Variants in MCF2L observed in about 807,000 individuals in gnomAD.
MCF2L encodes the protein guanine nucleotide exchange factor DBS.
Under a neutral mutation model 153.4 loss-of-function variants are expected in MCF2L, and 97 were observed. The ratio of observed to expected loss-of-function variants is 0.63; its 90% CI spans 0.54 to 0.75. MCF2L has a LOEUF of 0.75. MCF2L is among the 30% of genes least tolerant of loss of function. The pLI is 0.00. For missense variants in MCF2L, 1,347 were observed against 1,495.2 expected, an observed-to-expected ratio of 0.90 and a Z score of 1.64; for synonymous variants, 659 against 632.2, an observed-to-expected ratio of 1.04 and a Z score of -0.64.
chr13:112,959,963 C>T (rs1244831456), intron 2 of MCF2L, among the ~76,000 whole-genome samples: 3 of 152,214 alleles, frequency 2.0e-5, no homozygotes, highest in Non-Finnish European at 4.4e-5. Flanking sequence ...AGCAGCACCT[C>T]CTGCAGGTGT....
Position 113,070,303 on chromosome 13 carries a change from C to A in MCF2L, c.996+130C>A, listed in dbSNP as rs2032770159. 2 of 542,234 alleles carry A rather than the reference C, an allele frequency of 3.7e-6. No homozygotes were observed. Among genetic ancestry groups the A allele is most frequent in the Non-Finnish European group, 6.2e-6 (2 of 321,646 alleles). 33.6% of individuals were successfully genotyped at this position (542,234 alleles called of 1,614,324 possible). ...ACTTTGGCTTAATGCAGAAAAGTCT[C>A]CGCTTGCCAGGTGGAGCCTGTGAGA... On this transcript the variant is annotated intron_variant, in intron 9 of 29. Coordinates refer to ENST00000535094, the MANE Select transcript of MCF2L (RefSeq NM_001112732.3). This position sits in a 1 kb window ranked among gnomAD's most constrained non-coding sequence, Gnocchi z 5.6.
intron 1 of MCF2L, among the ~76,000 whole-genome samples, chr13:112,988,957 C>T (rs529210115): frequency 3.7e-5 from 5 of 135,122 alleles, no homozygotes; most frequent in South Asian, 2.4e-4. Flanking sequence ...GGAGCTATCA[C>T]GCCTGAGTCC....
exon 1 of MCF2L, chr13:112,894,404 C>G (rs996439912): frequency 6.6e-6 from 1 of 151,148 alleles, no homozygotes; most frequent in African/African-American, 2.4e-5. Flanking sequence ...GCTCGGCGGA[C>G]GCGGGAGGGC....
At chr13:113,062,089 G>T (rs1383080374) in intron 5 of MCF2L, among the ~76,000 whole-genome samples, 1 of 151,082 alleles carries the variant, frequency 6.6e-6, no homozygotes, top group South Asian at 2.1e-4. Flanking sequence ...AGAACCACCA[G>T]CTTCCAAGCC....
intron 1 of MCF2L, among the ~76,000 whole-genome samples, chr13:112,983,000 C>T (rs1028785413): frequency 6.6e-6 from 1 of 151,980 alleles, no homozygotes; most frequent in South Asian, 2.1e-4. Flanking sequence ...GCTCAGGAGG[C>T]GCTGGTTCCA....
At chr13:112,985,835 G>A (rs759960298) in intron 1 of MCF2L, among the ~76,000 whole-genome samples, 1 of 152,176 alleles carries the variant, frequency 6.6e-6, no homozygotes, top group Non-Finnish European at 1.5e-5. Context: ...ATGGCTGCAG[G>A]TGCAGGACAG....
intron 27 of MCF2L, chr13:113,095,430 G>A (rs1355850569): frequency 3.7e-6 from 4 of 1,085,234 alleles, no homozygotes; most frequent in Non-Finnish European, 4.5e-6. Flanking sequence ...CGGAGGCCAC[G>A]TGGCAGGAGG....
Position 113,096,649 on chromosome 13 carries a change from C to T in MCF2L, c.3288C>T (p.Ser1096=), listed in dbSNP as rs1183044103. The change falls in exon 29 of 30, where the codon AGC becomes AGT. Residue 1096 remains serine (S), a synonymous_variant. Transcript: ENST00000535094. ...CCGGCTCGGCCCAGTGCCTGAGCAGCTCAGGTAAGGCCCACGTGCCCCGAG... is the reference window on the plus strand; with the variant it reads ...CCGGCTCGGCCCAGTGCCTGAGCAGTTCAGGTAAGGCCCACGTGCCCCGAG... ...GPSGSAQCLS[S]SESSPGSAVL... The T allele has an allele frequency of 1.3e-6, 2 of 1,587,228 alleles. No homozygotes were observed. Among genetic ancestry groups the T allele is most frequent in the Admixed American group, 3.4e-5 (2 of 58,454 alleles).
At chr13:113,084,765 G>C in intron 18 of MCF2L, 127 bp from the exon 19 acceptor site, 1 of 747,184 alleles carries the variant, frequency 1.3e-6, no homozygotes, top group South Asian at 1.6e-5. Context: ...GCAATGCCTC[G>C]CAGGGCCGGG....
chr13:113,007,340 C>G (rs1236704320), intron 1 of MCF2L, among the ~76,000 whole-genome samples: 1 of 152,236 alleles, frequency 6.6e-6, no homozygotes, highest in African/African-American at 2.4e-5. Flanking sequence ...CCTGGTGCCC[C>G]TGGCTCAGAC....
intron 26 of MCF2L, among the ~76,000 whole-genome samples, chr13:113,092,841 G>A (rs1482725711): frequency 1.3e-5 from 2 of 152,230 alleles, no homozygotes; most frequent in African/African-American, 4.8e-5. Flanking sequence ...AGAGGCTCTG[G>A]GGAGCACTGA....
intron 2 of MCF2L, among the ~76,000 whole-genome samples, chr13:113,018,822 A>C (rs574484474): frequency 6.6e-6 from 1 of 152,202 alleles, no homozygotes; most frequent in East Asian, 1.9e-4. Flanking sequence ...TGTGCGTCTC[A>C]CTCCCTGCAA....
chr13:112,949,587 T>C (rs1229772939), intron 2 of MCF2L, among the ~76,000 whole-genome samples: 1 of 152,084 alleles, frequency 6.6e-6, no homozygotes, highest in Non-Finnish European at 1.5e-5. Context: ...TGAAAATTAG[T>C]CAACGTAATC....
rs74115737 is a variant in MCF2L at position 113,014,894 on chromosome 13, C to T, written c.163+48C>T. 2.9e-4 allele frequency: 451 copies of T among 1,565,150 alleles called. 1 individual carries two copies. The East Asian group carries it at 5.1e-3, about 18-fold the overall frequency. On this transcript the variant is annotated intron_variant, in intron 2 of 29. Transcript: ENST00000535094. ...GGGTGGAGAGGGAGGGGTCTGGGGCCGGGTGTGGGCCGAGCAGCCCCCGTG... is the reference window on the plus strand; with the variant it reads ...GGGTGGAGAGGGAGGGGTCTGGGGCTGGGTGTGGGCCGAGCAGCCCCCGTG...
Position 113,045,423 on chromosome 13 carries a change from G to A in MCF2L, c.369+62G>A, listed in dbSNP as rs1312185215. ...CCTCCCTGGGCTGCATGACCGCATG[G>A]TGCCCTTCCTCTGTGTCTGCCGCAG... is the stretch of plus-strand genomic sequence containing the variant. On this transcript the variant is annotated intron_variant, in intron 4 of 29. Coordinates refer to ENST00000535094, the MANE Select transcript of MCF2L (RefSeq NM_001112732.3). The surrounding 1 kb of genome is among the most constrained non-coding windows in gnomAD (Gnocchi z 4.2). 7.5e-7 allele frequency: 1 copy of A among 1,324,854 alleles called. No homozygotes were observed. Among genetic ancestry groups the A allele is most frequent in the African/African-American group, 1.4e-5 (1 of 69,286 alleles). 82.1% of individuals were successfully genotyped at this position (1,324,854 alleles called of 1,614,324 possible).
chr13:113,060,739 G>T, intron 5 of MCF2L, 27 bp downstream of exon 5: 1 of 1,609,786 alleles, frequency 6.2e-7, no homozygotes, highest in Non-Finnish European at 8.5e-7. Flanking sequence ...TCCATCCTGC[G>T]GTAGCAGAAC....
upstream of MCF2L, among the ~76,000 whole-genome samples, chr13:112,967,085 T>C (rs957783652): frequency 2.6e-5 from 4 of 151,552 alleles, no homozygotes; most frequent in Non-Finnish European, 4.4e-5. Context: ...AGGGAGGGTG[T>C]TGTGCCTTAG....
intron 2 of MCF2L, among the ~76,000 whole-genome samples, chr13:112,922,926 G>C (rs2140575272): frequency 6.6e-6 from 1 of 152,348 alleles, no homozygotes; most frequent in East Asian, 1.9e-4. Flanking sequence ...AATGCATAGA[G>C]AGAAATCATG....
intron 2 of MCF2L, chr13:112,917,229 C>T (rs1301448322): frequency 4.3e-6 from 2 of 467,874 alleles, no homozygotes; most frequent in Non-Finnish European, 4.4e-6. Context: ...CTCCGCAGAG[C>T]CTCCACCCGC....
Sources: gnomAD v4.1 joint callset for allele counts (sites outside exome capture counted in the v4.1 genomes callset) on GRCh38, gnomAD v4.1.1 for gene constraint, Gnocchi (gnomAD v3.1) non-coding constraint, MANE v1.5 for transcripts, NCBI Gene and HGNC (gene_info 2026-07-23, HGNC 2026-07-21) for gene names.